The following BEND7 variants were observed in gnomAD, a reference collection of about 807,000 sequenced individuals.
The protein encoded by BEND7 is BEN domain-containing protein 7.
Under a neutral mutation model 50.9 loss-of-function variants are expected in BEND7, and 28 were observed. That is an observed-to-expected ratio of 0.55 (90% CI 0.41 to 0.75). The LOEUF (loss-of-function observed/expected upper bound fraction) is 0.75. BEND7 is among the 30% of genes least tolerant of loss of function. The pLI is 0.00. For missense variants in BEND7, 477 were observed against 491.3 expected (o/e 0.97, Z 0.28); for synonymous variants, 170 against 183.9 (o/e 0.92, Z 0.61).
intron 4 of BEND7, among the ~76,000 whole-genome samples, chr10:13,495,388 G>A (rs573607287): frequency 1.3e-5 from 2 of 152,340 alleles, no homozygotes; most frequent in South Asian, 2.1e-4. Flanking sequence ...TTAGCCCGGC[G>A]CGGTGGCTCA....
intron 6 of BEND7, among the ~76,000 whole-genome samples, chr10:13,470,817 T>C (rs941845150): frequency 1.3e-5 from 2 of 152,188 alleles, no homozygotes; most frequent in Admixed American, 6.5e-5. Context: ...AGGTAAACTA[T>C]ATCTGAGTCC....
chr10:13,503,751 T>C (rs879820966), intron 2 of BEND7, among the ~76,000 whole-genome samples: 2 of 150,186 alleles, frequency 1.3e-5, no homozygotes, highest in African/African-American at 2.5e-5. Flanking sequence ...ACTAAAAGGA[T>C]GGAACACAGA....
At chr10:13,488,435 T>C (rs2076401171) in intron 5 of BEND7, among the ~76,000 whole-genome samples, 1 of 152,140 alleles carries the variant, frequency 6.6e-6, no homozygotes, top group Non-Finnish European at 1.5e-5. Flanking sequence ...TCTCTCAGTA[T>C]TGGTAGAGTA....
chr10:13,461,274 C>A (rs1201116149), intron 6 of BEND7, among the ~76,000 whole-genome samples: 1 of 152,186 alleles, frequency 6.6e-6, no homozygotes, highest in Non-Finnish European at 1.5e-5. Flanking sequence ...CAGGTTTCTA[C>A]ACCCACAGGG....
intron 7 of BEND7, among the ~76,000 whole-genome samples, chr10:13,449,637 AC>A (rs1837253228): frequency 6.6e-6 from 1 of 152,286 alleles, no homozygotes; most frequent in African/African-American, 2.4e-5. Flanking sequence ...AACTTTCTTT[AC>A]ATGTATAATT....
At chr10:13,500,166 A>G in intron 2 of BEND7, 86 bp from the exon 3 acceptor site, 2 of 1,159,916 alleles carry the variant, frequency 1.7e-6, no homozygotes, top group Middle Eastern at 2.1e-4. Flanking sequence ...AAGAAAAACA[A>G]CCCTTCTTTG....
chr10:13,488,527 C>T (rs1184324189), intron 5 of BEND7, among the ~76,000 whole-genome samples: 4 of 152,060 alleles, frequency 2.6e-5, no homozygotes, highest in Admixed American at 1.3e-4. Context: ...CTTGCTCTGT[C>T]GCCAGGCTGG....
At chr10:13,466,732 G>A (rs1252562332) in intron 6 of BEND7, among the ~76,000 whole-genome samples, 1 of 152,134 alleles carries the variant, frequency 6.6e-6, no homozygotes, top group Admixed American at 6.6e-5. Flanking sequence ...AAACACATGC[G>A]TTCCCTCCAC....
intron 8 of BEND7, chr10:13,443,933 T>C (rs1212096453): frequency 6.6e-6 from 1 of 152,236 alleles, no homozygotes; most frequent in Non-Finnish European, 1.5e-5. Context: ...CCTTACACTT[T>C]TATTAATTTT....
chr10:13,520,283 T>A (rs1252066451), intron 2 of BEND7, among the ~76,000 whole-genome samples: 1 of 152,134 alleles, frequency 6.6e-6, no homozygotes, highest in Non-Finnish European at 1.5e-5. Flanking sequence ...AAACAAGCCC[T>A]AGCTCCTTTC....
At chr10:13,465,689 AG>A (rs1254079563) in intron 6 of BEND7, among the ~76,000 whole-genome samples, 1 of 152,228 alleles carries the variant, frequency 6.6e-6, no homozygotes, top group Non-Finnish European at 1.5e-5. Context: ...AGACTTTAAA[AG>A]TTAGTCAAGC....
chr10:13,529,227 C>T (rs970082171), upstream of BEND7, among the ~76,000 whole-genome samples: 2 of 147,826 alleles, frequency 1.4e-5, no homozygotes, highest in South Asian at 4.2e-4. Flanking sequence ...CCTGCCTGCC[C>T]CCGGGGACGA....
intron 5 of BEND7, among the ~76,000 whole-genome samples, chr10:13,489,524 G>T (rs1056524640): frequency 1.3e-5 from 2 of 152,056 alleles, no homozygotes; most frequent in Admixed American, 6.6e-5. Context: ...CGGATAAGAA[G>T]AATACCTCAA....
intron 7 of BEND7, among the ~76,000 whole-genome samples, chr10:13,450,827 G>T (rs964862497): frequency 2.6e-5 from 4 of 152,052 alleles, no homozygotes; most frequent in African/African-American, 9.7e-5. Flanking sequence ...TGTAGAAGTG[G>T]GCAAACCTGG....
intron 6 of BEND7, among the ~76,000 whole-genome samples, chr10:13,464,787 A>G (rs545374257): frequency 5.8e-4 from 89 of 152,338 alleles, no homozygotes; most frequent in African/African-American, 2.1e-3. Context: ...AATTTCTCCT[A>G]GGGCTATGCC....
rs539872499 is a variant in BEND7, at chr10:13,503,009, G to A, written c.146-2929C>T. 70 of 877,930 alleles carry A rather than the reference G, an allele frequency of 8.0e-5. No individual in the cohort carries two copies. The South Asian group carries it at 2.6e-3, about 33-fold the overall frequency. 54.4% of individuals were successfully genotyped at this position (877,930 alleles called of 1,614,324 possible). On this transcript the variant is annotated intron_variant, in intron 2 of 8. Transcript: ENST00000466271. ...GTGCTACCATTAGCAACAGGAAGGC[G>A]TCACAAGGATTCTGGAACCTTCTGA...
intron 5 of BEND7, among the ~76,000 whole-genome samples, chr10:13,489,509 G>A (rs1168223932): frequency 6.6e-6 from 1 of 152,118 alleles, no homozygotes; most frequent in Non-Finnish European, 1.5e-5. Flanking sequence ...GCTGCCCGTA[G>A]AAAGCGGATA....
downstream of BEND7, chr10:13,439,282 G>A (rs535588256): frequency 6.2e-7 from 1 of 1,614,212 alleles, no homozygotes; most frequent in Non-Finnish European, 8.5e-7. Flanking sequence ...TGAGTTATGA[G>A]GAATGAATGG....
At chr10:13,473,637 C>T (rs2075132118) in intron 6 of BEND7, among the ~76,000 whole-genome samples, 1 of 143,738 alleles carries the variant, frequency 7.0e-6, no homozygotes, top group South Asian at 2.2e-4. Flanking sequence ...GCCGATTCGT[C>T]ATCGCTGTGA....
Sources: gnomAD v4.1 joint callset for allele counts (sites outside exome capture counted in the v4.1 genomes callset) on GRCh38, gnomAD v4.1.1 for gene constraint, MANE v1.5 for transcripts, NCBI Gene and HGNC (gene_info 2026-07-23, HGNC 2026-07-21) for gene names.